The following ANKRD62 variants were observed in gnomAD, a reference collection of about 807,000 sequenced individuals.
The protein encoded by ANKRD62 is ankyrin repeat domain 62, also known as ankyrin repeat domain-containing protein 62.
A neutral mutation model predicts 98.8 loss-of-function variants in ANKRD62; 61 were observed. The ratio of observed to expected loss-of-function variants is 0.62; its 90% CI spans 0.50 to 0.76. The LOEUF is 0.76. Among genes scored for constraint, ANKRD62 ranks in the 30% least tolerant of loss-of-function variants. ANKRD62 has a pLI of 0.00. For missense variants in ANKRD62, 933 were observed against 1,082.9 expected (o/e 0.86, Z 1.94); for synonymous variants, 341 against 367.9 (o/e 0.93, Z 0.84).
At chr18:12,106,076 G>A (rs371337215) in intron 7 of ANKRD62, among the ~76,000 whole-genome samples, 1 of 152,172 alleles carries the variant, frequency 6.6e-6, no homozygotes, top group Non-Finnish European at 1.5e-5. Context: ...TTTCAGGTGT[G>A]CAAATTGATC....
chr18:12,137,843 A>G, the ANKRD62 span, among the ~76,000 whole-genome samples: 43 of 152,292 alleles, frequency 2.8e-4, no homozygotes, highest in East Asian at 2.5e-3. Context: ...TGAGGTGTTT[A>G]TAGTATTCTC....
chr18:12,137,275 C>T, the ANKRD62 span, among the ~76,000 whole-genome samples: 1 of 152,188 alleles, frequency 6.6e-6, no homozygotes, highest in East Asian at 1.9e-4. Flanking sequence ...TGAATTTTCT[C>T]AAAGGCCTTT....
intron 8 of ANKRD62, among the ~76,000 whole-genome samples, chr18:12,111,861 A>G (rs1909546290): frequency 6.6e-6 from 1 of 152,168 alleles, no homozygotes; most frequent in Non-Finnish European, 1.5e-5. Context: ...GAGAGGGGAA[A>G]GATCTCTACA....
chr18:12,159,564 T>C, the ANKRD62 span, among the ~76,000 whole-genome samples: 7 of 152,272 alleles, frequency 4.6e-5, no homozygotes, highest in African/African-American at 1.7e-4. Context: ...AGTCTATAGG[T>C]TACAAAGAGA....
At chr18:12,141,136 C>T in the ANKRD62 span, among the ~76,000 whole-genome samples, 10 of 152,338 alleles carry the variant, frequency 6.6e-5, no homozygotes, top group South Asian at 8.3e-4. Context: ...GCTCTGTGGG[C>T]GTAGGACTCT....
At chr18:12,138,763 G>A in the ANKRD62 span, among the ~76,000 whole-genome samples, 1 of 151,770 alleles carries the variant, frequency 6.6e-6, no homozygotes. Flanking sequence ...AGGATAGTTA[G>A]TTCTTGTTGT....
chr18:12,117,175 G>T (rs1412987500), intron 10 of ANKRD62, among the ~76,000 whole-genome samples: 9 of 152,088 alleles, frequency 5.9e-5, no homozygotes, highest in Admixed American at 5.9e-4. Flanking sequence ...GATTTGATCC[G>T]ATTTTCTACA....
chr18:12,154,926 C>T, the ANKRD62 span, among the ~76,000 whole-genome samples: 1 of 152,140 alleles, frequency 6.6e-6, no homozygotes, highest in Admixed American at 6.5e-5. Context: ...GATGAGAACT[C>T]ATGAACGCAG....
the ANKRD62 span, among the ~76,000 whole-genome samples, chr18:12,161,923 A>C: frequency 2.6e-5 from 4 of 152,094 alleles, no homozygotes; most frequent in Non-Finnish European, 5.9e-5. Flanking sequence ...TTATCCATTC[A>C]TCTGTTGATG....
intron 4 of ANKRD62, among the ~76,000 whole-genome samples, chr18:12,097,261 T>C (rs747266442): frequency 1.8e-4 from 28 of 152,338 alleles, no homozygotes; most frequent in Admixed American, 5.2e-4. Context: ...ATAGCTCTTA[T>C]TGACCCCACG....
chr18:12,169,616 A>C, the ANKRD62 span, among the ~76,000 whole-genome samples: 12 of 152,154 alleles, frequency 7.9e-5, no homozygotes, highest in Non-Finnish European at 1.3e-4. Context: ...TGTCTCTGCC[A>C]GGCTTTGGTA....
At chr18:12,136,523 G>A in the ANKRD62 span, among the ~76,000 whole-genome samples, 15 of 152,174 alleles carry the variant, frequency 9.9e-5, no homozygotes, top group African/African-American at 3.6e-4. Context: ...ACTTGGCGAT[G>A]CGGGCTCTTT....
At position 12,094,133 on chromosome 18, in the gene ANKRD62, T is replaced by A; in HGVS notation, c.116T>A (p.Leu39Gln). Residue 39 changes from leucine to glutamine, a missense_variant, in exon 1 of 14, where the codon CTG becomes CAG. Coordinates refer to ENST00000587848, the MANE Select transcript of ANKRD62 (RefSeq NM_001277333.2). ...NPGYRVRQKD[L>Q]GMIHKAAIAG... ...GGGTACCGAGTCCGGCAGAAGGATCTGGGCATGATCCACAAAGCTGCCATC... is the reference window on the plus strand; with the variant it reads ...GGGTACCGAGTCCGGCAGAAGGATCAGGGCATGATCCACAAAGCTGCCATC... The A allele has an allele frequency of 6.5e-7, 1 of 1,533,640 alleles. No homozygotes were observed. Among genetic ancestry groups the A allele is most frequent in the Non-Finnish European group, 8.7e-7 (1 of 1,146,474 alleles).
At chr18:12,139,397 C>T in the ANKRD62 span, among the ~76,000 whole-genome samples, 1 of 152,104 alleles carries the variant, frequency 6.6e-6, no homozygotes, top group Non-Finnish European at 1.5e-5. Context: ...GTAATCACAG[C>T]ACTTTGGGAG....
the ANKRD62 span, among the ~76,000 whole-genome samples, chr18:12,181,312 G>A: frequency 6.6e-6 from 1 of 152,196 alleles, no homozygotes; most frequent in Non-Finnish European, 1.5e-5. Flanking sequence ...GCCACCATAA[G>A]AGGTTAATAG....
chr18:12,168,598 G>A, the ANKRD62 span, among the ~76,000 whole-genome samples: 1 of 152,146 alleles, frequency 6.6e-6, no homozygotes, highest in Admixed American at 6.5e-5. Context: ...TTTAGGCTTA[G>A]GATTGTCTTG....
the ANKRD62 span, among the ~76,000 whole-genome samples, chr18:12,138,762 A>T: frequency 1.3e-5 from 2 of 151,964 alleles, no homozygotes; most frequent in East Asian, 3.9e-4. Context: ...TAGGATAGTT[A>T]GTTCTTGTTG....
chr18:12,155,224 T>C, the ANKRD62 span, among the ~76,000 whole-genome samples: 28 of 152,196 alleles, frequency 1.8e-4, no homozygotes, highest in African/African-American at 6.0e-4. Context: ...ACAATTTTTA[T>C]TCTAGTGCTT....
intron 8 of ANKRD62, among the ~76,000 whole-genome samples, chr18:12,109,950 C>CAAAAAAA (rs10588166): frequency 1.6e-5 from 2 of 124,838 alleles, no homozygotes; most frequent in Non-Finnish European, 3.3e-5. Context: ...TCACTGTTAC[C>CAAAAAAA]AAAAAAAAAA....
Sources: gnomAD v4.1 joint callset for allele counts (sites outside exome capture counted in the v4.1 genomes callset) on GRCh38, gnomAD v4.1.1 for gene constraint, MANE v1.5 for transcripts, NCBI Gene and HGNC (gene_info 2026-07-23, HGNC 2026-07-21) for gene names.